Variants in AFG2A observed in about 807,000 individuals in gnomAD.
AFG2A encodes the protein AAA ATPase AFG2A.
At chr4:123,034,886 A>G in the AFG2A span, among the ~76,000 whole-genome samples, 1 of 152,202 alleles carries the variant, frequency 6.6e-6, no homozygotes, top group East Asian at 1.9e-4. Flanking sequence ...GCTAACTCTG[A>G]GTTCTGTACT....
the AFG2A span, among the ~76,000 whole-genome samples, chr4:123,100,309 C>T: frequency 6.6e-6 from 1 of 151,880 alleles, no homozygotes; most frequent in African/African-American, 2.4e-5. Flanking sequence ...ATACCTCTAC[C>T]TGATTTTATT....
At chr4:122,955,189 C>T in the AFG2A span, among the ~76,000 whole-genome samples, 1 of 152,318 alleles carries the variant, frequency 6.6e-6, no homozygotes, top group East Asian at 1.9e-4. Context: ...ACAGGAGAAC[C>T]TCAACTGCTT....
chr4:123,218,152 A>G, the AFG2A span, among the ~76,000 whole-genome samples: 131 of 152,346 alleles, frequency 8.6e-4, 2 homozygotes, highest in East Asian at 0.024. Context: ...AAGAAATTTT[A>G]GCTCTCTTTA....
the AFG2A span, among the ~76,000 whole-genome samples, chr4:122,975,496 A>G: frequency 6.6e-6 from 1 of 152,158 alleles, no homozygotes; most frequent in Admixed American, 6.5e-5. Context: ...ATTCTAACAA[A>G]TTTTGTGAGT....
the AFG2A span, among the ~76,000 whole-genome samples, chr4:122,985,126 T>C: frequency 1.5e-5 from 2 of 134,410 alleles, no homozygotes; most frequent in African/African-American, 3.2e-5. Flanking sequence ...TTTTTTTTTC[T>C]TTTTTTTTTT....
the AFG2A span, among the ~76,000 whole-genome samples, chr4:123,048,236 A>C: frequency 6.6e-6 from 1 of 152,186 alleles, no homozygotes; most frequent in Non-Finnish European, 1.5e-5. Flanking sequence ...TTTTTATGCC[A>C]GTACCATGCT....
At chr4:123,130,359 C>T in the AFG2A span, among the ~76,000 whole-genome samples, 1 of 152,124 alleles carries the variant, frequency 6.6e-6, no homozygotes, top group Non-Finnish European at 1.5e-5. Context: ...TGGGTAACCA[C>T]CAACACAATC....
At chr4:123,041,277 A>ATTTTC in the AFG2A span, among the ~76,000 whole-genome samples, 16 of 118,178 alleles carry the variant, frequency 1.4e-4, no homozygotes, top group African/African-American at 4.7e-4. Flanking sequence ...CGCCCAGCTA[A>ATTTTC]TTTTTTTTTT....
chr4:123,126,678 T>C, the AFG2A span, among the ~76,000 whole-genome samples: 2 of 152,214 alleles, frequency 1.3e-5, no homozygotes, highest in Non-Finnish European at 2.9e-5. Context: ...GCTCTCATTC[T>C]TCTCCTTCCT....
chr4:122,978,770 G>A, the AFG2A span, among the ~76,000 whole-genome samples: 1 of 152,374 alleles, frequency 6.6e-6, no homozygotes, highest in Admixed American at 6.5e-5. Flanking sequence ...GTGGAAGGGA[G>A]CTGGACTGTC....
chr4:123,050,039 AT>A, the AFG2A span, among the ~76,000 whole-genome samples: 1 of 151,434 alleles, frequency 6.6e-6, no homozygotes, highest in Non-Finnish European at 1.5e-5. Context: ...AAATTTTAAA[AT>A]TTTCTTTTTT....
At chr4:122,943,941 T>A in the AFG2A span, among the ~76,000 whole-genome samples, 1 of 152,082 alleles carries the variant, frequency 6.6e-6, no homozygotes, top group African/African-American at 2.4e-5. Flanking sequence ...AATTCTTTTC[T>A]TTAAGAATGT....
chr4:123,080,560 A>T, the AFG2A span, among the ~76,000 whole-genome samples: 1 of 150,956 alleles, frequency 6.6e-6, no homozygotes, highest in African/African-American at 2.4e-5. Flanking sequence ...TTCATTATGC[A>T]TTTACCTTTC....
the AFG2A span, among the ~76,000 whole-genome samples, chr4:123,094,214 AT>A: frequency 6.6e-6 from 1 of 151,972 alleles, no homozygotes; most frequent in Non-Finnish European, 1.5e-5. Context: ...CAGAGGAACT[AT>A]TTTTTTCTTT....
chr4:123,095,855 T>C, the AFG2A span, among the ~76,000 whole-genome samples: 1 of 152,128 alleles, frequency 6.6e-6, no homozygotes, highest in Non-Finnish European at 1.5e-5. Context: ...TATGTTATGA[T>C]GATTTTAGGT....
the AFG2A span, among the ~76,000 whole-genome samples, chr4:123,166,255 C>T: frequency 6.6e-6 from 1 of 152,140 alleles, no homozygotes; most frequent in Non-Finnish European, 1.5e-5. Context: ...CAGCTTCAGA[C>T]ACAGCCAGGA....
the AFG2A span, among the ~76,000 whole-genome samples, chr4:123,004,485 A>G: frequency 7.8e-4 from 119 of 152,286 alleles, 1 homozygote; most frequent in African/African-American, 2.8e-3. Context: ...TTTCTATGTT[A>G]TCTTTTGAGA....
At chr4:123,266,559 G>A in the AFG2A span, among the ~76,000 whole-genome samples, 1 of 151,620 alleles carries the variant, frequency 6.6e-6, no homozygotes, top group Admixed American at 6.6e-5. Context: ...TTAATGGTGT[G>A]TTCTTTAAAC....
At chr4:122,984,936 T>A in the AFG2A span, among the ~76,000 whole-genome samples, 1 of 152,064 alleles carries the variant, frequency 6.6e-6, no homozygotes, top group Non-Finnish European at 1.5e-5. Context: ...TATATCCTTT[T>A]CTGGTTTTGG....
Sources: allele counts gnomAD v4.1 joint callset (sites outside exome capture counted in the v4.1 genomes callset), GRCh38; gene constraint gnomAD v4.1.1; transcripts MANE v1.5; gene names NCBI Gene and HGNC (gene_info 2026-07-23, HGNC 2026-07-21).